The following LRP1B variants were observed in gnomAD, a reference collection of about 807,000 sequenced individuals.
LRP1B encodes LDL receptor related protein 1B, also known as low-density lipoprotein receptor-related protein 1B.
In LRP1B, 217 loss-of-function variants were observed where a neutral mutation model predicts 556.6. The ratio of observed to expected loss-of-function variants is 0.39; its 90% CI spans 0.35 to 0.44. The LOEUF is 0.44. Ranked by LOEUF, LRP1B falls within the 20% of genes least tolerant of loss-of-function variation. The pLI is 1.00. For synonymous variants in LRP1B, 2,047 were observed against 1,865.8 expected (o/e 1.10, Z -2.50); for missense variants, 5,053 against 5,620.8 (o/e 0.90, Z 3.23).
At chr2:141,689,132 A>G (rs1392554003) in intron 2 of LRP1B, among the ~76,000 whole-genome samples, 1 of 151,858 alleles carries the variant, frequency 6.6e-6, no homozygotes, top group Non-Finnish European at 1.5e-5. Context: ...TATCATTTTT[A>G]CCATCGTTTT....
chr2:141,438,867 T>A (rs1019598147), intron 3 of LRP1B, among the ~76,000 whole-genome samples: 1 of 152,126 alleles, frequency 6.6e-6, no homozygotes, highest in Non-Finnish European at 1.5e-5. Flanking sequence ...AAGGACCTAG[T>A]GGAGAACTGT....
intron 7 of LRP1B, among the ~76,000 whole-genome samples, chr2:141,076,570 T>G (rs1323390397): frequency 2.6e-5 from 4 of 152,306 alleles, no homozygotes; most frequent in East Asian, 1.9e-4. Flanking sequence ...GATCCAGCAA[T>G]TCTTGTTTCT....
chr2:140,595,094 A>ATATATC lies in LRP1B; in HGVS notation c.7194+3536_7194+3537insGATATA, dbSNP rs1682381138. Among the ~76,000 whole-genome samples, 24 of 15,604 alleles carry ATATATC rather than the reference A, an allele frequency of 1.5e-3. 1 individual carries two copies. Among genetic ancestry groups the ATATATC allele is most frequent in the African/African-American group, 5.5e-4 (2 of 3,654 alleles). The allele number at this position is 15,604 out of a possible 152,430, so 10.2% of individuals were successfully genotyped here. ...AAAATAAAATATAAATTGAATATAT[A>ATATATC]TATATATATATATATATATATATAT... On this transcript the variant is annotated intron_variant, in intron 43 of 90. Coordinates refer to ENST00000389484, the MANE Select transcript of LRP1B (RefSeq NM_018557.3).
In LRP1B at chr2:141,004,633, T is replaced by C. The variant is rs1697516521; in HGVS notation, c.2503+702A>G. On this transcript the variant is annotated intron_variant, in intron 15 of 90. Transcript: ENST00000389484. ...ATAAATCTTCTCTCTATGTATTATA[T>C]ACATCCTATTAGTTCTGTTTTTCTG... Among the ~76,000 whole-genome samples, 2 of 152,046 alleles carry C rather than the reference T, an allele frequency of 1.3e-5. 1 individual carries two copies. The highest frequency in any genetic ancestry group is 4.1e-4 in the South Asian group (2 of 4,830).
rs373351982 is a variant in LRP1B, at chr2:141,713,923, T to C, written c.205+96356A>G. Among the ~76,000 whole-genome samples the C allele has an allele frequency of 2.0e-5, 3 of 152,314 alleles. No homozygotes were observed. The East Asian group carries it at 5.8e-4, about 29-fold the overall frequency. ...TAGCATCATAAGCTATAGAGCAATG[T>C]TGGCACCCAGATCTGCCAAATGTAT... On this transcript the variant is annotated intron_variant, in intron 2 of 90. Coordinates refer to ENST00000389484, the MANE Select transcript of LRP1B (RefSeq NM_018557.3).
At chr2:141,915,517 G>C (rs1041896402) in intron 1 of LRP1B, among the ~76,000 whole-genome samples, 5 of 152,106 alleles carry the variant, frequency 3.3e-5, no homozygotes, top group Admixed American at 6.5e-5. Context: ...TCTGGACTTT[G>C]GCCTTGGGAA....
intron 35 of LRP1B, among the ~76,000 whole-genome samples, chr2:140,755,855 A>G (rs556711994): frequency 6.6e-6 from 1 of 152,132 alleles, no homozygotes; most frequent in Admixed American, 6.5e-5. Context: ...GCAAAAAAGA[A>G]GTAGAAGGAG....
chr2:140,662,038 A>G (rs2105341643), intron 41 of LRP1B, among the ~76,000 whole-genome samples: 1 of 152,152 alleles, frequency 6.6e-6, no homozygotes, highest in East Asian at 1.9e-4. Flanking sequence ...AACTCTAACG[A>G]ACAAGAATAA....
At chr2:142,121,014 T>A (rs1707439274) in intron 1 of LRP1B, among the ~76,000 whole-genome samples, 1 of 152,198 alleles carries the variant, frequency 6.6e-6, no homozygotes, top group African/African-American at 2.4e-5. Context: ...TAATTTATTA[T>A]CTGATTAGAA....
At chr2:141,769,555 G>C (rs1694833412) in intron 2 of LRP1B, among the ~76,000 whole-genome samples, 1 of 152,146 alleles carries the variant, frequency 6.6e-6, no homozygotes, top group Admixed American at 6.5e-5. Flanking sequence ...CATTACACGG[G>C]ACATCAGGTC....
chr2:141,965,792 T>C (rs1242607513), intron 1 of LRP1B, among the ~76,000 whole-genome samples: 2 of 137,592 alleles, frequency 1.5e-5, no homozygotes, highest in African/African-American at 2.7e-5. Flanking sequence ...TAAATAAATA[T>C]GTATCCAAAA....
At chr2:141,413,234 A>G (rs756017859) in intron 3 of LRP1B, among the ~76,000 whole-genome samples, 1 of 152,194 alleles carries the variant, frequency 6.6e-6, no homozygotes, top group Non-Finnish European at 1.5e-5. Flanking sequence ...TCTGGAAAAA[A>G]GAAAGATTAA....
At chr2:140,717,642 T>A (rs1198564812) in intron 35 of LRP1B, among the ~76,000 whole-genome samples, 2 of 152,130 alleles carry the variant, frequency 1.3e-5, no homozygotes, top group Non-Finnish European at 2.9e-5. Context: ...GGAAGAATCA[T>A]TAAATAATAA....
intron 2 of LRP1B, among the ~76,000 whole-genome samples, chr2:141,709,369 T>A (rs568408061): frequency 1.3e-5 from 2 of 148,832 alleles, no homozygotes; most frequent in African/African-American, 2.5e-5. Flanking sequence ...AGAAAATAAA[T>A]AAAATAAAAT....
intron 82 of LRP1B, among the ~76,000 whole-genome samples, chr2:140,319,246 G>C (rs1370509632): frequency 6.6e-6 from 1 of 152,106 alleles, no homozygotes; most frequent in Non-Finnish European, 1.5e-5. Context: ...ACCAAAAACT[G>C]TCTGAAACTT....
chr2:141,722,233 G>T (rs1837051), intron 2 of LRP1B, among the ~76,000 whole-genome samples: 1 of 152,006 alleles, frequency 6.6e-6, no homozygotes, highest in Non-Finnish European at 1.5e-5. Context: ...CAAAAATTAG[G>T]TGGGCATGGT....
chr2:140,279,916 G>A (rs1166983530), intron 84 of LRP1B, among the ~76,000 whole-genome samples: 1 of 151,676 alleles, frequency 6.6e-6, no homozygotes, highest in East Asian at 1.9e-4. Flanking sequence ...CTTTATAAAA[G>A]ATAGATACAT....
In LRP1B at chr2:141,502,038, G is replaced by A. The variant is rs13416127; in HGVS notation, c.206-21505C>T. Among the ~76,000 whole-genome samples, 692 of 152,170 alleles carry A rather than the reference G, an allele frequency of 4.5e-3. 2 individuals carry two copies. The highest frequency in any genetic ancestry group is 0.016 in the African/African-American group (655 of 41,506). On this transcript the variant is annotated intron_variant, in intron 2 of 90. Transcript: ENST00000389484. ...GAGCATAAAATGTAACAACAGATGG[G>A]AAATACTTTTAAATATCTGAACACT...
chr2:141,908,746 G>A (rs1699827454), intron 1 of LRP1B, among the ~76,000 whole-genome samples: 1 of 152,006 alleles, frequency 6.6e-6, no homozygotes. Flanking sequence ...AAAGACAATA[G>A]ATGTTATCAA....
Sources: allele counts gnomAD v4.1 joint callset (sites outside exome capture counted in the v4.1 genomes callset), GRCh38; gene constraint gnomAD v4.1.1; transcripts MANE v1.5; gene names NCBI Gene and HGNC (gene_info 2026-07-23, HGNC 2026-07-21).